The following NAALADL2 variants were observed in gnomAD, a reference collection of about 807,000 sequenced individuals.
NAALADL2 encodes inactive N-acetylated-alpha-linked acidic dipeptidase-like protein 2.
A neutral mutation model predicts 87.2 loss-of-function variants in NAALADL2; 76 were observed. The observed-to-expected ratio is 0.87, with a 90% CI of 0.72 to 1.05. The LOEUF is 1.05. Among genes scored for constraint, NAALADL2 ranks in the 50% least tolerant of loss-of-function variants. The probability of loss-of-function intolerance (pLI) is 0.00; values close to 1 mark genes in which losing one functional copy is unlikely to be tolerated. For missense variants in NAALADL2, 1,089 were observed against 945.8 expected, an observed-to-expected ratio of 1.15 and a Z score of -1.99; for synonymous variants, 354 against 331.0, an observed-to-expected ratio of 1.07 and a Z score of -0.75.
chr3:175,347,667 G>A (rs1327990864), intron 5 of NAALADL2, among the ~76,000 whole-genome samples: 1 of 152,162 alleles, frequency 6.6e-6, no homozygotes. Context: ...CCTTTAGAAA[G>A]TGAAATAAGT....
chr3:175,206,288 A>AG (rs1740865631), intron 2 of NAALADL2, among the ~76,000 whole-genome samples: 1 of 112,282 alleles, frequency 8.9e-6, no homozygotes, highest in Admixed American at 9.5e-5. Context: ...GTGTGTGTGT[A>AG]TGTATGTGTA....
chr3:174,549,544 A>G (rs1162311040), intron 1 of NAALADL2, among the ~76,000 whole-genome samples: 1 of 152,228 alleles, frequency 6.6e-6, no homozygotes, highest in Non-Finnish European at 1.5e-5. Context: ...GTAACTTACT[A>G]TGTCAGATAC....
At chr3:175,742,103 A>G (rs1745302589) in intron 12 of NAALADL2, among the ~76,000 whole-genome samples, 1 of 152,218 alleles carries the variant, frequency 6.6e-6, no homozygotes, top group Non-Finnish European at 1.5e-5. Flanking sequence ...GTGAAAAAGT[A>G]TGGCAAGGGA....
At chr3:175,160,181 T>C (rs971619336) in intron 2 of NAALADL2, among the ~76,000 whole-genome samples, 5 of 151,740 alleles carry the variant, frequency 3.3e-5, no homozygotes, top group African/African-American at 1.2e-4. Flanking sequence ...CACTTGCACA[T>C]AGGTCACCAG....
chr3:175,013,144 A>ATTT (rs1458625560), intron 1 of NAALADL2, among the ~76,000 whole-genome samples: 1 of 86,060 alleles, frequency 1.2e-5, no homozygotes, highest in Non-Finnish European at 2.3e-5. Context: ...ATAAATATGT[A>ATTT]ATACATATTT....
intron 3 of NAALADL2, among the ~76,000 whole-genome samples, chr3:174,831,319 C>A (rs374105199): frequency 7.3e-5 from 10 of 136,508 alleles, no homozygotes; most frequent in Admixed American, 1.4e-4. Flanking sequence ...TAGCATGAAG[C>A]GTTGTTGAAT....
intron 11 of NAALADL2, among the ~76,000 whole-genome samples, chr3:175,671,286 T>C (rs1234423554): frequency 2.0e-5 from 3 of 151,982 alleles, no homozygotes; most frequent in Non-Finnish European, 4.4e-5. Flanking sequence ...TTTTGTTGGA[T>C]ATATCTGAAA....
chr3:175,302,193 A>G (rs762769832), intron 4 of NAALADL2, among the ~76,000 whole-genome samples: 1 of 152,212 alleles, frequency 6.6e-6, no homozygotes, highest in Non-Finnish European at 1.5e-5. Context: ...TCTTCAAAGC[A>G]TTATAGTTTG....
chr3:175,430,413 C>T (rs1291366217), intron 5 of NAALADL2, among the ~76,000 whole-genome samples: 2 of 151,558 alleles, frequency 1.3e-5, no homozygotes, highest in Non-Finnish European at 2.9e-5. Flanking sequence ...TGAAATATAC[C>T]CTAATTGTAA....
chr3:175,191,241 T>TTAAG (rs139316103), intron 2 of NAALADL2, among the ~76,000 whole-genome samples: 4,482 of 152,242 alleles, frequency 0.029, 203 homozygotes, highest in African/African-American at 0.1. Context: ...GTTGCATACT[T>TTAAG]TATGTAAATT....
chr3:175,643,654 A>G (rs1268946446), intron 11 of NAALADL2, among the ~76,000 whole-genome samples: 1 of 152,234 alleles, frequency 6.6e-6, no homozygotes, highest in Admixed American at 6.5e-5. Context: ...AAAAATCATT[A>G]CAATCACTTA....
chr3:174,679,940 G>A (rs757596392), intron 2 of NAALADL2, among the ~76,000 whole-genome samples: 9 of 152,160 alleles, frequency 5.9e-5, no homozygotes, highest in African/African-American at 1.7e-4. Flanking sequence ...TTTGAAAAGC[G>A]TGAAAATTGA....
rs367988825 is a variant in NAALADL2, at chr3:174,732,358, TATCTC to T, written c.-114-5281_-114-5277del. 7.6e-3 allele frequency among the ~76,000 whole-genome samples: 1,154 copies of T among 152,138 alleles called. 8 individuals carry two copies. The highest frequency in any genetic ancestry group is 0.012 in the Non-Finnish European group (827 of 67,988). The stretch of plus-strand genomic sequence containing the variant: ...AAACTAGGCAAGAGAGCAGAACAAA[TATCTC>T]AGAAAGGACAAGGGAAAAGACATGA... On this transcript the variant is annotated intron_variant, in intron 2 of 3. Coordinates refer to the NAALADL2 transcript ENST00000434257.
chr3:175,408,582 G>A lies in NAALADL2; in HGVS notation c.1091-38647G>A, dbSNP rs58881935. Among the ~76,000 whole-genome samples the A allele has an allele frequency of 9.2e-5, 14 of 152,048 alleles. No individual in the cohort carries two copies. The East Asian group carries it at 2.7e-3, about 29-fold the overall frequency. ...TGGAGCACCTGATAAAATTTCAAAA[G>A]AATAAAGAAACTGAGATTGTATATA... is the stretch of plus-strand genomic sequence containing the variant. On this transcript the variant is annotated intron_variant, in intron 5 of 13. Transcript: ENST00000454872.
In NAALADL2 at chr3:175,542,097, G is replaced by C. The variant is rs1295625871; in HGVS notation, c.1654-33944G>C. Among the ~76,000 whole-genome samples the C allele has an allele frequency of 2.0e-5, 3 of 152,170 alleles. No homozygotes were observed. The East Asian group carries it at 5.8e-4, about 29-fold the overall frequency. Reference sequence around the variant, plus strand: ...ACCCAGAGAAGTTTTTAGAACAATAGAGGGGAGAAGAGGATTTTTTATATG... The same window carrying C: ...ACCCAGAGAAGTTTTTAGAACAATACAGGGGAGAAGAGGATTTTTTATATG... On this transcript the variant is annotated intron_variant, in intron 9 of 13. Transcript: ENST00000454872.
chr3:175,568,900 T>C (rs1397850795), intron 9 of NAALADL2, among the ~76,000 whole-genome samples: 5 of 152,226 alleles, frequency 3.3e-5, no homozygotes, highest in Non-Finnish European at 7.3e-5. Context: ...GATATTTCAA[T>C]GTTTTGGCAA....
rs1716163275 is a variant in NAALADL2, at chr3:174,460,716, A to G, written c.-184+19684A>G. 2.6e-5 allele frequency among the ~76,000 whole-genome samples: 4 copies of G among 152,098 alleles called. No individual in the cohort carries two copies. The South Asian group carries it at 8.3e-4, about 32-fold the overall frequency. ...ACGTAATTTTTTTTGACTTTATACT[A>G]CATCATCTGGCTGGGCCATAATAAA... On this transcript the variant is annotated intron_variant, in intron 1 of 3. Transcript: ENST00000434257.
chr3:175,147,602 A>G (rs1730929481), intron 2 of NAALADL2, among the ~76,000 whole-genome samples: 2 of 151,730 alleles, frequency 1.3e-5, no homozygotes, highest in African/African-American at 4.8e-5. Flanking sequence ...GGGGGGGTAT[A>G]TACTCAATAA....
At chr3:175,371,646 G>A (rs896286464) in intron 5 of NAALADL2, among the ~76,000 whole-genome samples, 4 of 151,572 alleles carry the variant, frequency 2.6e-5, no homozygotes, top group African/African-American at 9.7e-5. Flanking sequence ...CCAAGATGGC[G>A]AAATCCCGTC....
Sources: allele counts gnomAD v4.1 joint callset (sites outside exome capture counted in the v4.1 genomes callset), GRCh38; gene constraint gnomAD v4.1.1; transcripts MANE v1.5; gene names NCBI Gene and HGNC (gene_info 2026-07-23, HGNC 2026-07-21).